The following DDX55 variants were observed in gnomAD, a reference collection of about 807,000 sequenced individuals.
The protein encoded by DDX55 is ATP-dependent RNA helicase DDX55.
In DDX55, 56 loss-of-function variants were observed where a neutral mutation model predicts 69.2. The ratio of observed to expected loss-of-function variants is 0.81; its 90% CI spans 0.65 to 1.01. The LOEUF (loss-of-function observed/expected upper bound fraction) is 1.01, where lower values mean the gene tolerates loss of function less well. Ranked by LOEUF, DDX55 falls within the 50% of genes least tolerant of loss-of-function variation. DDX55 has a pLI of 0.00. For synonymous variants in DDX55, 268 were observed against 273.1 expected, an observed-to-expected ratio of 0.98 and a Z score of 0.18; for missense variants, 720 against 745.1, an observed-to-expected ratio of 0.97 and a Z score of 0.39.
intron 1 of DDX55, among the ~76,000 whole-genome samples, chr12:123,604,492 T>C (rs1218756182): frequency 2.0e-5 from 3 of 152,164 alleles, no homozygotes; most frequent in African/African-American, 7.2e-5. Flanking sequence ...CTGGGAGTGC[T>C]ATGTGCCCTG....
rs763233912 is a variant in DDX55 at position 123,607,528 on chromosome 12, A to G, written c.338+5A>G. 1 of 1,614,178 alleles carries G rather than the reference A, an allele frequency of 6.2e-7. No homozygotes were observed. The highest frequency in any genetic ancestry group is 1.1e-5 in the South Asian group (1 of 91,076). Reference sequence around the variant, plus strand: ...GAAGCACTTCCCCGAGTTCAGGTGAATTGGATGCAGTGTCCCTGTTAGTCA... The same window carrying G: ...GAAGCACTTCCCCGAGTTCAGGTGAGTTGGATGCAGTGTCCCTGTTAGTCA... On this transcript the variant is annotated splice_donor_5th_base_variant and intron_variant, in intron 4 of 13. Coordinates refer to ENST00000238146, the MANE Select transcript of DDX55 (RefSeq NM_020936.3).
chr12:123,613,387 C>T lies in DDX55; in HGVS notation c.824+135C>T, dbSNP rs59168328. On this transcript the variant is annotated intron_variant, in intron 8 of 13. Transcript: ENST00000238146. ...TTTTGGCTGCAAATAACTGAAAACC[C>T]AACTTTTGTTGTCCGAACAAGGTTG... 18 of 863,756 alleles carry T rather than the reference C, an allele frequency of 2.1e-5. No individual in the cohort carries two copies. The South Asian group carries it at 3.2e-4, about 15-fold the overall frequency. 53.5% of individuals were successfully genotyped at this position (863,756 alleles called of 1,614,324 possible).
chr12:123,609,978 A>C lies in DDX55; in HGVS notation c.591A>C (p.Arg197Ser), dbSNP rs747138630. The C allele has an allele frequency of 3.1e-6, 5 of 1,614,152 alleles. No homozygotes were observed. Among genetic ancestry groups the C allele is most frequent in the Non-Finnish European group, 4.2e-6 (5 of 1,180,034 alleles). ...TILEFLPKQR[R>S]TGLFSATQTQ... The stretch of plus-strand genomic sequence containing the variant: ...TGGAGTTTTTGCCAAAGCAGAGGAG[A>C]ACAGGCCTTTTCTCTGCCACTCAGA... The change falls in exon 7 of 14, where the codon AGA (arginine) becomes AGC (serine). Residue 197 changes from arginine to serine, a missense_variant. Coordinates refer to ENST00000238146, the MANE Select transcript of DDX55 (RefSeq NM_020936.3).
chr12:123,605,889 G>A lies in DDX55; in HGVS notation c.109-42G>A, dbSNP rs370898713. 6 of 1,613,898 alleles carry A rather than the reference G, an allele frequency of 3.7e-6. No individual in the cohort carries two copies. The African/African-American group carries it at 8.0e-5, about 22-fold the overall frequency. ...GGGCTTCGGGTCTCACCTGTGAATT[G>A]ATGGCATCCTTTAACCAGTGCTTTG... On this transcript the variant is annotated intron_variant, in intron 1 of 13. Coordinates refer to ENST00000238146, the MANE Select transcript of DDX55 (RefSeq NM_020936.3).
At chr12:123,612,492 G>A (rs1954320546) in intron 7 of DDX55, among the ~76,000 whole-genome samples, 1 of 152,172 alleles carries the variant, frequency 6.6e-6, no homozygotes, top group Non-Finnish European at 1.5e-5. Flanking sequence ...AGTGGGGTCT[G>A]CGTCCATGGA....
rs1431603576 is a variant in DDX55, at chr12:123,615,170, C to T, written c.825-15C>T. ...AAAGTGGCCAATGACTCTAAGCCCT[C>T]TGTCCCTCTTGCAGCACCTGTGCCT... On this transcript the variant is annotated splice_polypyrimidine_tract_variant and intron_variant, in intron 8 of 13. Coordinates refer to ENST00000238146, the MANE Select transcript of DDX55 (RefSeq NM_020936.3). The T allele has an allele frequency of 6.2e-7, 1 of 1,613,722 alleles. No homozygotes were observed. Among genetic ancestry groups the T allele is most frequent in the Admixed American group, 1.7e-5 (1 of 59,992 alleles).
At chr12:123,609,524 T>C (rs1042542583) in intron 6 of DDX55, among the ~76,000 whole-genome samples, 1 of 151,728 alleles carries the variant, frequency 6.6e-6, no homozygotes, top group Non-Finnish European at 1.5e-5. Flanking sequence ...TACAGGCACA[T>C]GCCATCATGC....
rs764425062 is a variant in DDX55, at chr12:123,607,530, T to C, written c.338+7T>C. The C allele has an allele frequency of 6.8e-6, 11 of 1,614,098 alleles. No individual in the cohort carries two copies. In the Admixed American group the frequency reaches 1.7e-4, roughly 24 times the overall value. On this transcript the variant is annotated splice_region_variant and intron_variant, in intron 4 of 13. Transcript: ENST00000238146. ...AGCACTTCCCCGAGTTCAGGTGAAT[T>C]GGATGCAGTGTCCCTGTTAGTCATG...
At chr12:123,608,331 G>A (rs140926411) in intron 5 of DDX55, 283 of 189,880 alleles carry the variant, frequency 1.5e-3, no homozygotes, top group Non-Finnish European at 2.2e-3. Context: ...GGTCTCCATC[G>A]CACTTACTCA....
Position 123,605,930 on chromosome 12 carries a change from G to T in DDX55, c.109-1G>T. On this transcript the variant is annotated splice_acceptor_variant, in intron 1 of 13. Transcript: ENST00000238146. LOFTEE classifies it high-confidence loss of function. ...CAGTGCTTTGCAATCTCTCTCTTTA[G>T]TCCGCAACCATCCCTCTGTTCATGC... is the stretch of plus-strand genomic sequence containing the variant. 6.2e-7 allele frequency: 1 copy of T among 1,614,112 alleles called. No homozygotes were observed. The highest frequency in any genetic ancestry group is 1.3e-5 in the African/African-American group (1 of 75,028).
In DDX55 at chr12:123,619,283, G is replaced by A. The variant is rs562880445; in HGVS notation, c.1334-149G>A. On this transcript the variant is annotated intron_variant, in intron 12 of 13. Transcript: ENST00000238146. ...CTCGCAAAGTGCTGGGATTACAGGCGTGAGCCACTGCACCCGGCCTCAATT... is the reference window on the plus strand; with the variant it reads ...CTCGCAAAGTGCTGGGATTACAGGCATGAGCCACTGCACCCGGCCTCAATT... 15 of 1,284,366 alleles carry A rather than the reference G, an allele frequency of 1.2e-5. 1 individual carries two copies. In the South Asian group the frequency reaches 2.1e-4, roughly 18 times the overall value. The allele number at this position is 1,284,366 out of a possible 1,614,324, so 79.6% of individuals were successfully genotyped here. A position where few individuals can be genotyped will look rare whatever the true frequency, so the allele number is the denominator to read the frequency against.
At chr12:123,608,950 A>AT (rs909189160) in intron 6 of DDX55, 121 bp downstream of exon 6, 3 of 991,038 alleles carry the variant, frequency 3.0e-6, no homozygotes, top group Non-Finnish European at 4.1e-6. Context: ...ATTTTTATTT[A>AT]TTTTTTATTT....
intron 1 of DDX55, among the ~76,000 whole-genome samples, chr12:123,602,859 A>G (rs1593657465): frequency 6.6e-6 from 1 of 152,272 alleles, no homozygotes. Flanking sequence ...GTGTCGCGCG[A>G]GGACTGCAGA....
Position 123,602,152 on chromosome 12 carries a change from G to C in DDX55, c.4G>C (p.Glu2Gln), listed in dbSNP as rs749242015. Residue 2 changes from glutamate (E) to glutamine (Q), a missense_variant, in exon 1 of 14, where the codon GAG (glutamate) becomes CAG (glutamine). Physicochemically the swap from Glu to Gln is conservative, Grantham distance 29. Transcript: ENST00000238146. M[E>Q]HVTEGSWESL... is the part of the protein sequence containing the mutation. The stretch of plus-strand genomic sequence containing the variant: ...CGACGCGGCGAAGGAGCGCGCCATG[G>C]AGCATGTGACAGAGGGCTCCTGGGA... The C allele has an allele frequency of 6.4e-7, 1 of 1,553,096 alleles. No individual in the cohort carries two copies. Among genetic ancestry groups the C allele is most frequent in the African/African-American group, 1.4e-5 (1 of 73,282 alleles).
intron 13 of DDX55, 104 bp from the exon 14 acceptor site, chr12:123,619,860 A>G (rs1410615272): frequency 1.3e-6 from 2 of 1,523,474 alleles, no homozygotes; most frequent in African/African-American, 1.4e-5. Flanking sequence ...CTCTATTTGC[A>G]GAAGCCAATC....
chr12:123,608,865 A>G (rs1477570215), intron 6 of DDX55, 36 bp downstream of exon 6: 10 of 1,584,678 alleles, frequency 6.3e-6, no homozygotes, highest in Non-Finnish European at 8.6e-6. Context: ...TTGAGTGGGC[A>G]GATGATACTA....
At chr12:123,610,207 A>C in intron 7 of DDX55, 79 bp downstream of exon 7, 1 of 1,490,626 alleles carries the variant, frequency 6.7e-7, no homozygotes, top group Non-Finnish European at 9.0e-7. Flanking sequence ...TAGAATAAAT[A>C]TGTGAGACCC....
chr12:123,602,344 T>C, intron 1 of DDX55, 88 bp downstream of exon 1: 1 of 1,257,776 alleles, frequency 8.0e-7, no homozygotes, highest in Non-Finnish European at 1.1e-6. Context: ...CGGACAGATC[T>C]GAGCCCTGGG....
intron 1 of DDX55, among the ~76,000 whole-genome samples, chr12:123,603,580 C>CG (rs1396496774): frequency 1.3e-5 from 2 of 151,640 alleles, no homozygotes; most frequent in Admixed American, 1.3e-4. Flanking sequence ...TTAGTAGATA[C>CG]GGGGTTTCAC....
Sources: gnomAD v4.1 joint callset for allele counts (sites outside exome capture counted in the v4.1 genomes callset) on GRCh38, gnomAD v4.1.1 for gene constraint, MANE v1.5 for transcripts, NCBI Gene and HGNC (gene_info 2026-07-23, HGNC 2026-07-21) for gene names.